The following LACTB2 variants were observed in gnomAD, a reference collection of about 807,000 sequenced individuals.
LACTB2 encodes the protein endoribonuclease LACTB2.
In LACTB2, 32 loss-of-function variants were observed where a neutral mutation model predicts 34.8. The observed-to-expected ratio is 0.92, with a 90% CI of 0.69 to 1.24. The LOEUF is 1.24. Among genes scored for constraint, LACTB2 ranks in the 50% most tolerant of loss-of-function variants. The pLI, the probability that LACTB2 is intolerant of heterozygous loss-of-function variation, is 0.00. For synonymous variants in LACTB2, 120 were observed against 117.5 expected (o/e 1.02, Z -0.14); for missense variants, 320 against 345.0 (o/e 0.93, Z 0.57).
chr8:70,663,827 TTA>T (rs1166119183), intron 1 of LACTB2, among the ~76,000 whole-genome samples: 2 of 152,196 alleles, frequency 1.3e-5, no homozygotes, highest in African/African-American at 4.8e-5. Flanking sequence ...TATTATGTAT[TTA>T]CATATTTATT....
chr8:70,650,669 G>C (rs975044086), intron 3 of LACTB2, among the ~76,000 whole-genome samples: 3 of 136,798 alleles, frequency 2.2e-5, no homozygotes, highest in African/African-American at 8.2e-5. Context: ...GGCGGAGGTT[G>C]CAGTTGCAGT....
In LACTB2 at chr8:70,637,705, T is replaced by G. The variant is rs1023412462; in HGVS notation, c.*155A>C. 6.9e-6 allele frequency: 3 copies of G among 432,868 alleles called. No individual in the cohort carries two copies. The highest frequency in any genetic ancestry group is 2.0e-5 in the African/African-American group (1 of 48,932). 26.8% of individuals were successfully genotyped at this position (432,868 alleles called of 1,614,324 possible). On this transcript the variant is annotated 3_prime_UTR_variant, in exon 7 of 7. Transcript: ENST00000276590. Reference sequence around the variant, plus strand: ...TATCATATGGTTGTATAGTGTAATTTACATATTTTAGCATAAATATAACAT... The same window carrying G: ...TATCATATGGTTGTATAGTGTAATTGACATATTTTAGCATAAATATAACAT...
chr8:70,648,447 G>C (rs1226446830), intron 3 of LACTB2, among the ~76,000 whole-genome samples: 1 of 151,928 alleles, frequency 6.6e-6, no homozygotes, highest in African/African-American at 2.4e-5. Context: ...CAACATTTTG[G>C]GAACAAAAAG....
intron 3 of LACTB2, among the ~76,000 whole-genome samples, chr8:70,647,224 A>AAT (rs1275386668): frequency 1.3e-5 from 2 of 151,882 alleles, no homozygotes; most frequent in African/African-American, 4.8e-5. Context: ...ATGTGCTTGG[A>AAT]ATATATATAT....
intron 5 of LACTB2, 61 bp from the exon 6 acceptor site, chr8:70,638,690 T>C: frequency 3.9e-6 from 5 of 1,281,736 alleles, no homozygotes; most frequent in Non-Finnish European, 5.1e-6. Context: ...ACACAGTTAA[T>C]TTTTTGAAAG....
intron 3 of LACTB2, among the ~76,000 whole-genome samples, chr8:70,648,597 A>G (rs2132073040): frequency 6.6e-6 from 1 of 152,306 alleles, no homozygotes; most frequent in Admixed American, 6.5e-5. Context: ...AAGTTAGAGT[A>G]GTACAGGAGT....
chr8:70,643,207 CCTTTTTTT>C lies in LACTB2; in HGVS notation c.592+850_592+857del, dbSNP rs1563402785. On this transcript the variant is annotated intron_variant, in intron 4 of 6. Coordinates refer to ENST00000276590, the MANE Select transcript of LACTB2 (RefSeq NM_016027.3). ...TAGACAGGACTTAGGGGTGTATTTT[CCTTTTTTT>C]TTTTTTTTTTTTTTTTTTTTTTTTT... Among the ~76,000 whole-genome samples, 6 of 95,836 alleles carry C rather than the reference CCTTTTTTT, an allele frequency of 6.3e-5. No homozygotes were observed. The East Asian group carries it at 1.7e-3, about 28-fold the overall frequency. The allele number at this position is 95,836 out of a possible 152,430, so 62.9% of individuals were successfully genotyped here. A position where few individuals can be genotyped will look rare whatever the true frequency, so the allele number is the denominator to read the frequency against.
chr8:70,638,275 AAAAGTTATCT>A, intron 6 of LACTB2, among the ~76,000 whole-genome samples: 1 of 152,196 alleles, frequency 6.6e-6, no homozygotes, highest in Non-Finnish European at 1.5e-5. Context: ...CTGGGAGAAG[AAAAGTTATCT>A]TCCTGCTACA....
intron 4 of LACTB2, among the ~76,000 whole-genome samples, chr8:70,643,208 C>CATTTTTTTTTTTTTTTTTTTTTT (rs1818221357): frequency 1.3e-5 from 1 of 76,194 alleles, no homozygotes; most frequent in African/African-American, 4.5e-5. Context: ...GTGTATTTTC[C>CATTTTTTTTTTTTTTTTTTTTTT]TTTTTTTTTT....
chr8:70,657,585 C>A (rs1218902072), intron 3 of LACTB2, among the ~76,000 whole-genome samples, 171 bp downstream of exon 3: 1 of 151,996 alleles, frequency 6.6e-6, no homozygotes, highest in Non-Finnish European at 1.5e-5. Context: ...CATGTGCCAC[C>A]ATGCTCAGCT....
chr8:70,657,804 A>T lies in LACTB2; in HGVS notation c.365T>A (p.Val122Asp). The T allele has an allele frequency of 1.9e-6, 3 of 1,613,054 alleles. No individual in the cohort carries two copies. Among genetic ancestry groups the T allele is most frequent in the Non-Finnish European group, 2.5e-6 (3 of 1,179,182 alleles). ...EIIGNGEQQY[V>D]YLKDGDVIKT... ...AATCACATCTCCATCTTTCAGATAA[A>T]CATATTGTTGCTCTCCATTTCCTAT... Residue 122 changes from valine to aspartate, a missense_variant, in exon 3 of 7, where the codon GTT becomes GAT. Val to Asp is a radical substitution (Grantham distance 152). Coordinates refer to ENST00000276590, the MANE Select transcript of LACTB2 (RefSeq NM_016027.3).
At position 70,644,067 on chromosome 8, in the gene LACTB2, G is replaced by A. The variant is rs181052688; in HGVS notation, c.590C>T (p.Pro197Leu). The A allele has an allele frequency of 1.9e-6, 3 of 1,552,680 alleles. No individual in the cohort carries two copies. Among genetic ancestry groups the A allele is most frequent in the East Asian group, 2.3e-5 (1 of 43,608 alleles). The change falls in exon 4 of 7, where the codon CCA (proline) becomes CTA (leucine). Residue 197 changes from proline to leucine, a missense_variant and splice_region_variant. Pro to Leu is a moderately conservative substitution (Grantham distance 98). Transcript: ENST00000276590. ...AAAAAAATTTAAAAATTACCCACCT[G>A]GATATATAATATCAGCTTTGATTTT... ...LLKIKADIIY[P>L]GHGPVIHNAE...
intron 3 of LACTB2, among the ~76,000 whole-genome samples, chr8:70,650,692 C>T (rs776532222): frequency 2.3e-5 from 3 of 127,736 alleles, no homozygotes; most frequent in South Asian, 2.7e-4. Flanking sequence ...GCCAACATTG[C>T]GCCACTGCAC....
chr8:70,643,180 G>C (rs1818220823), intron 4 of LACTB2, among the ~76,000 whole-genome samples: 1 of 145,860 alleles, frequency 6.9e-6, no homozygotes, highest in Non-Finnish European at 1.5e-5. Context: ...TAACTGCACA[G>C]CTAGACAGGA....
At chr8:70,648,791 A>C (rs1014626700) in intron 3 of LACTB2, among the ~76,000 whole-genome samples, 2 of 152,088 alleles carry the variant, frequency 1.3e-5, no homozygotes, top group Admixed American at 6.5e-5. Context: ...TTTTCCGATG[A>C]TGGGACTCAG....
chr8:70,640,302 A>C (rs1818180235), intron 5 of LACTB2, among the ~76,000 whole-genome samples: 1 of 152,210 alleles, frequency 6.6e-6, no homozygotes, highest in Non-Finnish European at 1.5e-5. Context: ...TGCTGCCTAC[A>C]CAGCAGACAT....
At chr8:70,660,991 G>C (rs1818475128) in intron 2 of LACTB2, 1 of 452,276 alleles carries the variant, frequency 2.2e-6, no homozygotes, top group East Asian at 7.0e-5. Flanking sequence ...TGTTGCCCAA[G>C]CTGGTCTTGA....
chr8:70,638,808 C>T (rs1182726309), intron 5 of LACTB2, among the ~76,000 whole-genome samples, 179 bp from the exon 6 acceptor site: 9 of 150,562 alleles, frequency 6.0e-5, no homozygotes, highest in African/African-American at 2.0e-4. Context: ...TGGTGCATCT[C>T]GGCTCACTGC....
At chr8:70,661,528 G>A (rs533052141) in intron 2 of LACTB2, 63 of 466,068 alleles carry the variant, frequency 1.4e-4, no homozygotes, top group African/African-American at 1.2e-3. Context: ...AAGTAAAATT[G>A]AGGATTTGAA....
Sources: allele counts gnomAD v4.1 joint callset (sites outside exome capture counted in the v4.1 genomes callset), GRCh38; gene constraint gnomAD v4.1.1; transcripts MANE v1.5; gene names NCBI Gene and HGNC (gene_info 2026-07-23, HGNC 2026-07-21).